The following RBFOX1 variants were observed in gnomAD, a reference collection of about 807,000 sequenced individuals.
The protein encoded by RBFOX1 is RNA binding fox-1 homolog 1.
RBFOX1 carries 8 observed loss-of-function variants against 57.7 expected under a neutral mutation model. The ratio of observed to expected loss-of-function variants is 0.14; its 90% CI spans 0.08 to 0.25. RBFOX1 has a LOEUF of 0.25. Among genes scored for constraint, RBFOX1 ranks in the 10% least tolerant of loss-of-function variants. RBFOX1 has a pLI of 1.00. For missense variants in RBFOX1, 611 were observed against 548.5 expected (o/e 1.11, Z -1.14); for synonymous variants, 326 against 222.4 (o/e 1.47, Z -4.15).
At chr16:6,200,928 G>A (rs902372552) in intron 1 of RBFOX1, among the ~76,000 whole-genome samples, 5 of 133,720 alleles carry the variant, frequency 3.7e-5, no homozygotes, top group African/African-American at 1.4e-4. Flanking sequence ...TAGAGTTTTC[G>A]GTGTTAACTT....
At chr16:5,595,210 C>T (rs2047143247) in intron 2 of RBFOX1, among the ~76,000 whole-genome samples, 1 of 152,150 alleles carries the variant, frequency 6.6e-6, no homozygotes, top group South Asian at 2.1e-4. Flanking sequence ...CCTGTAAAGG[C>T]AGTTGTTATG....
intron 4 of RBFOX1, among the ~76,000 whole-genome samples, chr16:7,175,109 T>A (rs769584172): frequency 1.3e-5 from 2 of 152,112 alleles, no homozygotes; most frequent in South Asian, 4.2e-4. Flanking sequence ...GGTAAATGTA[T>A]GTCTTGGTGG....
chr16:6,969,863 G>T (rs552113840), intron 3 of RBFOX1, among the ~76,000 whole-genome samples: 1 of 152,256 alleles, frequency 6.6e-6, no homozygotes, highest in South Asian at 2.1e-4. Context: ...GTGAACCATT[G>T]TACTAATTGA....
At chr16:6,599,753 C>G (rs190101193) in intron 2 of RBFOX1, among the ~76,000 whole-genome samples, 2 of 152,288 alleles carry the variant, frequency 1.3e-5, no homozygotes, top group East Asian at 3.9e-4. Flanking sequence ...GTTAAGCCAT[C>G]TTGAGCAGGT....
intron 2 of RBFOX1, among the ~76,000 whole-genome samples, chr16:6,368,762 T>G (rs1156906810): frequency 6.6e-6 from 1 of 152,154 alleles, no homozygotes; most frequent in Non-Finnish European, 1.5e-5. Flanking sequence ...CATCAATAGG[T>G]AAGAGAGGAA....
chr16:5,716,495 A>T (rs1028616816), intron 3 of RBFOX1, among the ~76,000 whole-genome samples: 1 of 152,238 alleles, frequency 6.6e-6, no homozygotes, highest in African/African-American at 2.4e-5. Flanking sequence ...GCAAATCAAA[A>T]CTGCAATTAG....
intron 4 of RBFOX1, among the ~76,000 whole-genome samples, chr16:7,504,777 ATATATATATT>A (rs2072578639): frequency 1.1e-4 from 2 of 17,946 alleles, no homozygotes; most frequent in African/African-American, 2.4e-4. Flanking sequence ...ATATTTATAT[ATATATATATT>A]TATATATATA....
At chr16:6,906,314 A>G (rs924838492) in intron 3 of RBFOX1, among the ~76,000 whole-genome samples, 1 of 152,062 alleles carries the variant, frequency 6.6e-6, no homozygotes, top group Non-Finnish European at 1.5e-5. Context: ...GGGTAATAAA[A>G]TTGTATTCAA....
At chr16:6,938,405 G>A (rs1046819279) in intron 3 of RBFOX1, among the ~76,000 whole-genome samples, 3 of 152,030 alleles carry the variant, frequency 2.0e-5, no homozygotes, top group Admixed American at 6.6e-5. Flanking sequence ...AGTAAGGGTC[G>A]GAAAAATGTA....
At chr16:6,810,896 G>A (rs1787724710) in intron 3 of RBFOX1, among the ~76,000 whole-genome samples, 1 of 152,158 alleles carries the variant, frequency 6.6e-6, no homozygotes, top group Non-Finnish European at 1.5e-5. Context: ...TTCAAGAGCT[G>A]ATTTGGGTGG....
intron 2 of RBFOX1, among the ~76,000 whole-genome samples, chr16:6,411,883 C>T (rs928106544): frequency 6.6e-6 from 1 of 152,008 alleles, no homozygotes; most frequent in Non-Finnish European, 1.5e-5. Context: ...CCTGTAATCC[C>T]AGCACTTTGG....
intron 3 of RBFOX1, among the ~76,000 whole-genome samples, chr16:6,681,211 T>C (rs568965210): frequency 2.0e-5 from 3 of 152,016 alleles, no homozygotes; most frequent in African/African-American, 4.8e-5. Context: ...ACTTGGGAGG[T>C]TGAGGCAGGA....
At chr16:7,644,723 A>C (rs1437724837) in intron 11 of RBFOX1, among the ~76,000 whole-genome samples, 1 of 152,206 alleles carries the variant, frequency 6.6e-6, no homozygotes, top group Non-Finnish European at 1.5e-5. Context: ...CCCTATAGAG[A>C]GATGTATAAG....
At chr16:6,325,569 A>G (rs886176082) in intron 2 of RBFOX1, among the ~76,000 whole-genome samples, 2 of 152,156 alleles carry the variant, frequency 1.3e-5, no homozygotes, top group African/African-American at 2.4e-5. Flanking sequence ...CAACCTGAGG[A>G]TGTAGTGTTG....
At chr16:7,689,370 G>T (rs2076836660) in intron 14 of RBFOX1, among the ~76,000 whole-genome samples, 1 of 152,138 alleles carries the variant, frequency 6.6e-6, no homozygotes, top group Non-Finnish European at 1.5e-5. Context: ...TGAACTTGCA[G>T]ATTTTTCAGC....
chr16:7,532,445 T>A lies in RBFOX1; in HGVS notation c.270+14056T>A, dbSNP rs1291047970. Reference sequence around the variant, plus strand: ...ATTGGATTTGGGAATTTTTCCTCTTTTGAGACATTGAAGCTCTTGACAGAG... The same window carrying A: ...ATTGGATTTGGGAATTTTTCCTCTTATGAGACATTGAAGCTCTTGACAGAG... On this transcript the variant is annotated intron_variant, in intron 5 of 15. Transcript: ENST00000550418. 2.0e-5 allele frequency among the ~76,000 whole-genome samples: 3 copies of A among 152,198 alleles called. No homozygotes were observed. In the South Asian group the frequency reaches 6.2e-4, roughly 31 times the overall value.
chr16:7,686,032 G>T (rs374143969), intron 14 of RBFOX1, among the ~76,000 whole-genome samples: 2 of 151,986 alleles, frequency 1.3e-5, no homozygotes, highest in Non-Finnish European at 2.9e-5. Context: ...TATAAAGTGG[G>T]ATTAATGGAT....
chr16:6,687,853 G>C (rs80144608), intron 3 of RBFOX1, among the ~76,000 whole-genome samples: 208 of 152,288 alleles, frequency 1.4e-3, no homozygotes, highest in Admixed American at 2.4e-3. Flanking sequence ...TCTGGGAAAT[G>C]TGTGCTCAGG....
At chr16:6,897,575 C>G (rs2067253336) in intron 3 of RBFOX1, among the ~76,000 whole-genome samples, 1 of 152,166 alleles carries the variant, frequency 6.6e-6, no homozygotes, top group Non-Finnish European at 1.5e-5. Flanking sequence ...GGGCGGATCA[C>G]TTGAGGTCAG....
Sources: allele counts gnomAD v4.1 joint callset (sites outside exome capture counted in the v4.1 genomes callset), GRCh38; gene constraint gnomAD v4.1.1; transcripts MANE v1.5; gene names NCBI Gene and HGNC (gene_info 2026-07-23, HGNC 2026-07-21).